Variants in IL15 observed in about 807,000 individuals in gnomAD.
IL15 encodes interleukin-15.
IL15 carries 11 observed loss-of-function variants against 19.6 expected under a neutral mutation model. The ratio of observed to expected loss-of-function variants is 0.56; its 90% CI spans 0.35 to 0.93. The LOEUF is 0.93. IL15 is among the 40% of genes least tolerant of loss of function. The probability of loss-of-function intolerance (pLI) is 0.01; values close to 1 mark genes in which losing one functional copy is unlikely to be tolerated. For missense variants in IL15, 197 were observed against 186.5 expected (o/e 1.06, Z -0.33); for synonymous variants, 58 against 59.6 (o/e 0.97, Z 0.12).
chr4:141,653,675 A>G (rs1727490420), intron 1 of IL15, among the ~76,000 whole-genome samples: 1 of 152,194 alleles, frequency 6.6e-6, no homozygotes. Flanking sequence ...GATGTATAAT[A>G]TTACATTGCA....
intron 2 of IL15, chr4:141,715,503 A>G (rs746290486): frequency 6.6e-6 from 1 of 152,210 alleles, no homozygotes; most frequent in Non-Finnish European, 1.5e-5. Context: ...CTAATAAAAT[A>G]CATAATTATA....
At chr4:141,684,002 C>T (rs371319445) in intron 2 of IL15, among the ~76,000 whole-genome samples, 1 of 152,144 alleles carries the variant, frequency 6.6e-6, no homozygotes, top group Non-Finnish European at 1.5e-5. Flanking sequence ...GGGTTTTCTT[C>T]GCCAAAAATA....
intron 2 of IL15, among the ~76,000 whole-genome samples, chr4:141,672,924 T>C (rs1728222253): frequency 6.6e-6 from 1 of 152,162 alleles, no homozygotes; most frequent in Admixed American, 6.5e-5. Context: ...TCCATGTCAC[T>C]TCCTCCACAA....
At chr4:141,664,512 G>A (rs958321602) in intron 2 of IL15, among the ~76,000 whole-genome samples, 1 of 152,064 alleles carries the variant, frequency 6.6e-6, no homozygotes, top group African/African-American at 2.4e-5. Context: ...TAGAAACTGG[G>A]GCGTGTGGGG....
chr4:141,649,625 G>T (rs998020820), intron 1 of IL15, among the ~76,000 whole-genome samples: 1 of 152,080 alleles, frequency 6.6e-6, no homozygotes, highest in African/African-American at 2.4e-5. Flanking sequence ...CAGAAAAGTT[G>T]CCAGACCAAA....
intron 4 of IL15, 21 bp downstream of exon 4, chr4:141,720,587 AAAT>A: frequency 8.8e-7 from 1 of 1,136,354 alleles, no homozygotes; most frequent in Non-Finnish European, 1.3e-6. Flanking sequence ...CTTTAGGCAT[AAAT>A]AACATTATGT....
At chr4:141,641,349 A>C (rs564808043) in intron 1 of IL15, among the ~76,000 whole-genome samples, 3 of 152,258 alleles carry the variant, frequency 2.0e-5, no homozygotes, top group African/African-American at 7.2e-5. Flanking sequence ...TAAAACTAAA[A>C]CATATATACC....
chr4:141,707,713 GAGGTAGTGGC>G (rs1290314204), intron 2 of IL15, among the ~76,000 whole-genome samples: 2 of 152,178 alleles, frequency 1.3e-5, no homozygotes, highest in African/African-American at 2.4e-5. Context: ...GAGAGCTTTT[GAGGTAGTGGC>G]ATAGTTTTCT....
At chr4:141,652,061 A>G (rs1301907460) in intron 1 of IL15, among the ~76,000 whole-genome samples, 2 of 152,132 alleles carry the variant, frequency 1.3e-5, no homozygotes, top group Non-Finnish European at 2.9e-5. Flanking sequence ...GTCTACAAAA[A>G]CCATTTTCCT....
At chr4:141,718,057 C>T (rs1255231198) in intron 2 of IL15, 1 of 152,200 alleles carries the variant, frequency 6.6e-6, no homozygotes, top group Non-Finnish European at 1.5e-5. Context: ...TTGGCAACCA[C>T]ACTCTATGGT....
chr4:141,638,279 T>C (rs1220810111), intron 1 of IL15, among the ~76,000 whole-genome samples: 3 of 152,302 alleles, frequency 2.0e-5, no homozygotes, highest in African/African-American at 4.8e-5. Context: ...TTAACAAGTA[T>C]CATAGAGATC....
rs557243935 is a variant in IL15 at position 141,733,428 on chromosome 4, G to A, written c.*580G>A. 4.9e-4 allele frequency: 75 copies of A among 152,278 alleles called. No individual in the cohort carries two copies. The highest frequency in any genetic ancestry group is 1.8e-3 in the African/African-American group (74 of 41,542). The allele number at this position is 152,278 out of a possible 1,614,324, so 9.4% of individuals were successfully genotyped here. A position where few individuals can be genotyped will look rare whatever the true frequency, so the allele number is the denominator to read the frequency against. On this transcript the variant is annotated 3_prime_UTR_variant, in exon 8 of 8. Transcript: ENST00000320650. ...TTAGTTATTGATGTATAAAGCAACT[G>A]TTATGAAATAAAGAAATTGCAATAA...
At chr4:141,640,861 G>A (rs533783840) in intron 1 of IL15, among the ~76,000 whole-genome samples, 203 of 152,276 alleles carry the variant, frequency 1.3e-3, no homozygotes, top group African/African-American at 4.6e-3. Flanking sequence ...ACAAAATCAG[G>A]AAAGTGACAA....
At chr4:141,717,366 G>A (rs1362865974) in intron 2 of IL15, 2 of 152,128 alleles carry the variant, frequency 1.3e-5, no homozygotes, top group East Asian at 1.9e-4. Context: ...ATTAGACAGG[G>A]CCCTCATGAA....
intron 2 of IL15, among the ~76,000 whole-genome samples, chr4:141,673,915 A>G (rs968840127): frequency 5.3e-5 from 8 of 152,204 alleles, no homozygotes; most frequent in African/African-American, 1.4e-4. Flanking sequence ...TTTGATATCT[A>G]TGAATTATTT....
chr4:141,729,391 G>T (rs993766353), intron 6 of IL15, among the ~76,000 whole-genome samples: 1 of 152,062 alleles, frequency 6.6e-6, no homozygotes, highest in Admixed American at 6.6e-5. Context: ...AAATTTCTTG[G>T]AATTACTTCT....
chr4:141,675,003 A>G (rs1728293869), intron 2 of IL15, among the ~76,000 whole-genome samples: 1 of 152,226 alleles, frequency 6.6e-6, no homozygotes, highest in Non-Finnish European at 1.5e-5. Flanking sequence ...GCAGCTGGAA[A>G]GAATTCATTA....
chr4:141,696,089 C>T lies in IL15; in HGVS notation c.-99-23277C>T, dbSNP rs184004091. 1.8e-4 allele frequency among the ~76,000 whole-genome samples: 28 copies of T among 152,200 alleles called. No homozygotes were observed. The East Asian group carries it at 5.2e-3, about 28-fold the overall frequency. On this transcript the variant is annotated intron_variant, in intron 2 of 7. Transcript: ENST00000320650. ...GGTAGTTTCACAGTTTTAGGCTTTA[C>T]ATTTAAGTATTTAATTCATTTTGAT... is the stretch of plus-strand genomic sequence containing the variant.
intron 2 of IL15, among the ~76,000 whole-genome samples, chr4:141,677,323 A>G (rs1728380054): frequency 6.6e-6 from 1 of 152,162 alleles, no homozygotes; most frequent in African/African-American, 2.4e-5. Flanking sequence ...AATGAATAAT[A>G]ATTATGTTTT....
Sources: gnomAD v4.1 joint callset for allele counts (sites outside exome capture counted in the v4.1 genomes callset) on GRCh38, gnomAD v4.1.1 for gene constraint, MANE v1.5 for transcripts, NCBI Gene and HGNC (gene_info 2026-07-23, HGNC 2026-07-21) for gene names.